The following ARHGEF3 variants were observed in gnomAD, a reference collection of about 807,000 sequenced individuals.
The protein encoded by ARHGEF3 is Rho guanine nucleotide exchange factor 3.
ARHGEF3 carries 28 observed loss-of-function variants against 63.2 expected under a neutral mutation model. That is an observed-to-expected ratio of 0.44 (90% CI 0.33 to 0.61). ARHGEF3 has a LOEUF of 0.61. ARHGEF3 is among the 20% of genes least tolerant of loss of function. ARHGEF3 has a pLI of 0.03. For synonymous variants in ARHGEF3, 266 were observed against 254.2 expected (o/e 1.05, Z -0.44); for missense variants, 533 against 659.3 (o/e 0.81, Z 2.10).
chr3:56,968,451 C>A (rs1001378417), intron 2 of ARHGEF3, among the ~76,000 whole-genome samples: 1 of 141,182 alleles, frequency 7.1e-6, no homozygotes, highest in Non-Finnish European at 1.5e-5. Context: ...GTGATACTCC[C>A]GCCTCAGCCT....
At position 57,035,301 on chromosome 3, in the gene ARHGEF3, A is replaced by G. The variant is rs114178756; in HGVS notation, c.-27-125T>C. The G allele has an allele frequency of 2.3e-3, 1,087 of 471,638 alleles. 16 individuals carry two copies. Among genetic ancestry groups the G allele is most frequent in the African/African-American group, 0.02 (992 of 50,214 alleles). 29.2% of individuals were successfully genotyped at this position (471,638 alleles called of 1,614,324 possible). A position where few individuals can be genotyped will look rare whatever the true frequency, so the allele number is the denominator to read the frequency against. ...GTTACCCAGTGTCCACCAAAATCCA[A>G]TATTTCCTTCTTCCATAATTATTCA... On this transcript the variant is annotated intron_variant, in intron 1 of 12. Transcript: ENST00000338458.
chr3:56,977,303 C>G (rs1284771142), intron 2 of ARHGEF3: 12 of 456,724 alleles, frequency 2.6e-5, no homozygotes, highest in South Asian at 1.9e-4. Flanking sequence ...CATGGTCCAT[C>G]TAAAGCACAG....
chr3:56,799,398 C>T (rs910486321), intron 1 of ARHGEF3, among the ~76,000 whole-genome samples: 2 of 152,186 alleles, frequency 1.3e-5, no homozygotes, highest in African/African-American at 2.4e-5. Flanking sequence ...TCTGTTGCAA[C>T]GGCCTTTGAA....
chr3:56,872,198 T>C (rs1463544335), intron 4 of ARHGEF3, among the ~76,000 whole-genome samples: 1 of 152,200 alleles, frequency 6.6e-6, no homozygotes, highest in Non-Finnish European at 1.5e-5. Flanking sequence ...AAAGGGGTGT[T>C]CATAGGTTTT....
chr3:56,985,593 G>C (rs1195291993), intron 2 of ARHGEF3, among the ~76,000 whole-genome samples: 14 of 152,218 alleles, frequency 9.2e-5, no homozygotes, highest in Admixed American at 7.8e-4. Context: ...CAGGTGGGCA[G>C]CAGGGCTCAG....
At chr3:57,038,727 C>T (rs1222018841) in intron 1 of ARHGEF3, among the ~76,000 whole-genome samples, 3 of 152,172 alleles carry the variant, frequency 2.0e-5, no homozygotes, top group African/African-American at 7.2e-5. Context: ...TTACAGGCGT[C>T]AGCCATCGCC....
In ARHGEF3 at chr3:56,773,826, T is replaced by TAA. The variant is rs374677472; in HGVS notation, c.97-12_97-11dup. On this transcript the variant is annotated splice_polypyrimidine_tract_variant and intron_variant, in intron 1 of 9. Transcript: ENST00000296315. ...GTTTATTACTAGGCTCCTATAGAGT[T>TAA]AAAAAAAAAAAAAAGTAAAATGTCA... The TAA allele has an allele frequency of 4.2e-3, 5,834 of 1,397,972 alleles. 1 individual carries two copies. Among genetic ancestry groups the TAA allele is most frequent in the Non-Finnish European group, 5.0e-3 (5,182 of 1,031,786 alleles). The allele number at this position is 1,397,972 out of a possible 1,614,324, so 86.6% of individuals were successfully genotyped here.
chr3:56,911,182 G>C (rs2041843849), intron 3 of ARHGEF3, among the ~76,000 whole-genome samples: 1 of 152,150 alleles, frequency 6.6e-6, no homozygotes, highest in South Asian at 2.1e-4. Context: ...AGGACACCTG[G>C]GGTTTATGGC....
In ARHGEF3 at chr3:56,845,681, A is replaced by G. The variant is rs550200262; in HGVS notation, c.192+36611T>C. On this transcript the variant is annotated intron_variant, in intron 4 of 12. Coordinates refer to the ARHGEF3 transcript ENST00000338458. ...ATTGATTTACTAGTCAGCAGGCCCT[A>G]ACTTCACTAAGCCATTCCTTCAGTC... Among the ~76,000 whole-genome samples the G allele has an allele frequency of 2.0e-5, 3 of 152,330 alleles. No homozygotes were observed. The South Asian group carries it at 6.2e-4, about 32-fold the overall frequency.
chr3:57,068,030 C>T (rs749645297), intron 1 of ARHGEF3, among the ~76,000 whole-genome samples: 3 of 151,876 alleles, frequency 2.0e-5, no homozygotes, highest in East Asian at 1.9e-4. Flanking sequence ...AAAAATTAGC[C>T]GGTGTGGTGG....
At chr3:57,014,170 G>A (rs1295074484) in intron 2 of ARHGEF3, among the ~76,000 whole-genome samples, 3 of 152,158 alleles carry the variant, frequency 2.0e-5, no homozygotes, top group East Asian at 1.9e-4. Context: ...CACTCTTGAA[G>A]CCAGCAAGAC....
At position 56,746,925 on chromosome 3, in the gene ARHGEF3, C is replaced by T. The variant is rs921269849; in HGVS notation, c.613-1463G>A. On this transcript the variant is annotated intron_variant, in intron 6 of 9. Coordinates refer to ENST00000296315, the MANE Select transcript of ARHGEF3 (RefSeq NM_019555.3). The stretch of plus-strand genomic sequence containing the variant: ...ACATTCCTTTGAAATGTCTACCTTC[C>T]TTACATGTTATTAAAAATCTCTACT... Among the ~76,000 whole-genome samples, 11 of 152,206 alleles carry T rather than the reference C, an allele frequency of 7.2e-5. No individual in the cohort carries two copies. The East Asian group carries it at 1.3e-3, about 19-fold the overall frequency.
intron 3 of ARHGEF3, among the ~76,000 whole-genome samples, chr3:56,893,386 C>G (rs944315458): frequency 1.3e-5 from 2 of 152,140 alleles, no homozygotes; most frequent in Admixed American, 6.5e-5. Context: ...TTTTTGTTGC[C>G]TAGGCTAGTC....
At chr3:56,824,004 A>C (rs1452233905) in intron 4 of ARHGEF3, among the ~76,000 whole-genome samples, 1 of 149,804 alleles carries the variant, frequency 6.7e-6, no homozygotes, top group African/African-American at 2.5e-5. Context: ...AAAAAAAAAA[A>C]ACAGAACGAG....
At chr3:57,045,351 T>C (rs1021254003) in intron 1 of ARHGEF3, among the ~76,000 whole-genome samples, 1 of 152,184 alleles carries the variant, frequency 6.6e-6, no homozygotes, top group Non-Finnish European at 1.5e-5. Flanking sequence ...GGACACTCAG[T>C]ATGTTTTTGT....
At chr3:56,945,953 C>G (rs1046962483) in intron 3 of ARHGEF3, among the ~76,000 whole-genome samples, 1 of 152,174 alleles carries the variant, frequency 6.6e-6, no homozygotes, top group African/African-American at 2.4e-5. Context: ...GATCAGGCAG[C>G]AGCATTTGCT....
chr3:56,780,885 G>C (rs976529799), intron 1 of ARHGEF3, among the ~76,000 whole-genome samples: 17 of 152,360 alleles, frequency 1.1e-4, no homozygotes, highest in Admixed American at 3.3e-4. Context: ...AGTTAAGATG[G>C]TCTTATGGAT....
intron 2 of ARHGEF3, among the ~76,000 whole-genome samples, chr3:56,975,170 C>T (rs1307609990): frequency 6.6e-6 from 1 of 152,174 alleles, no homozygotes; most frequent in Admixed American, 6.5e-5. Context: ...GTAATCCCAT[C>T]ACTCTGGGAG....
At chr3:56,967,824 T>A (rs1373382719) in intron 2 of ARHGEF3, among the ~76,000 whole-genome samples, 2 of 81,138 alleles carry the variant, frequency 2.5e-5, no homozygotes, top group Non-Finnish European at 4.2e-5. Context: ...TTATATAATA[T>A]AATATATATT....
Sources: allele counts gnomAD v4.1 joint callset (sites outside exome capture counted in the v4.1 genomes callset), GRCh38; gene constraint gnomAD v4.1.1; transcripts MANE v1.5; gene names NCBI Gene and HGNC (gene_info 2026-07-23, HGNC 2026-07-21).